Variants in WDFY4 observed in about 807,000 individuals in gnomAD.
WDFY4 encodes the protein WD repeat- and FYVE domain-containing protein 4.
Under a neutral mutation model 351.9 loss-of-function variants are expected in WDFY4, and 169 were observed. The observed-to-expected ratio is 0.48, with a 90% CI of 0.42 to 0.55. The LOEUF (loss-of-function observed/expected upper bound fraction) is 0.55, where lower values mean the gene tolerates loss of function less well. WDFY4 is among the 20% of genes least tolerant of loss of function. WDFY4 has a pLI of 0.00. For missense variants in WDFY4, 3,803 were observed against 3,935.6 expected (o/e 0.97, Z 0.90); for synonymous variants, 1,622 against 1,574.6 (o/e 1.03, Z -0.71).
chr10:48,901,560 CTAAG>C (rs1162518930), intron 46 of WDFY4, among the ~76,000 whole-genome samples: 21 of 152,202 alleles, frequency 1.4e-4, no homozygotes, highest in African/African-American at 5.1e-4. Flanking sequence ...CACACACTGC[CTAAG>C]TAATTATTGT....
intron 14 of WDFY4, among the ~76,000 whole-genome samples, chr10:48,775,218 A>G (rs754622146): frequency 3.9e-5 from 6 of 152,126 alleles, no homozygotes; most frequent in Non-Finnish European, 7.4e-5. Flanking sequence ...GGAAGACAAG[A>G]GAGCAGAGGG....
intron 35 of WDFY4, among the ~76,000 whole-genome samples, chr10:48,825,893 C>T (rs1252534389): frequency 6.6e-6 from 1 of 151,790 alleles, no homozygotes; most frequent in Non-Finnish European, 1.5e-5. Flanking sequence ...AAATTTTCTC[C>T]TACTCTATAG....
intron 20 of WDFY4, 125 bp from the exon 21 acceptor site, chr10:48,788,405 G>A: frequency 8.4e-7 from 1 of 1,193,724 alleles, no homozygotes; most frequent in Non-Finnish European, 1.2e-6. Context: ...AACATGCAAT[G>A]TGACAACATA....
chr10:48,823,054 A>T, intron 35 of WDFY4: 1 of 1,073,356 alleles, frequency 9.3e-7, no homozygotes, highest in Non-Finnish European at 1.2e-6. Context: ...TTACATACCT[A>T]CCTGTACAAA....
intron 40 of WDFY4, 72 bp downstream of exon 40, chr10:48,867,414 A>G (rs1589777893): frequency 9.0e-7 from 1 of 1,106,626 alleles, no homozygotes; most frequent in Non-Finnish European, 1.2e-6. Flanking sequence ...AATAATTGGA[A>G]GGGCCTTTGG....
At chr10:48,748,141 G>A (rs2065069214) in intron 12 of WDFY4, among the ~76,000 whole-genome samples, 1 of 152,238 alleles carries the variant, frequency 6.6e-6, no homozygotes, top group African/African-American at 2.4e-5. Flanking sequence ...GGATCTTGGT[G>A]TGGAAACTTG....
chr10:48,779,832 T>A (rs1239580572), intron 18 of WDFY4, 109 bp from the exon 19 acceptor site: 2 of 1,184,894 alleles, frequency 1.7e-6, no homozygotes, highest in Non-Finnish European at 2.3e-6. Context: ...GATCTAGGGC[T>A]CCATGGTACA....
At chr10:48,854,876 C>T (rs1161849471) in intron 39 of WDFY4, among the ~76,000 whole-genome samples, 1 of 152,148 alleles carries the variant, frequency 6.6e-6, no homozygotes, top group Non-Finnish European at 1.5e-5. Flanking sequence ...CCTAAGAGTT[C>T]TGTATTTGTG....
chr10:48,785,178 A>G (rs2066364609), intron 19 of WDFY4, among the ~76,000 whole-genome samples: 1 of 152,056 alleles, frequency 6.6e-6, no homozygotes, highest in Non-Finnish European at 1.5e-5. Context: ...TTGAGTTTTA[A>G]GGGTTTTAGG....
intron 47 of WDFY4, among the ~76,000 whole-genome samples, chr10:48,929,856 G>A (rs527819671): frequency 1.3e-5 from 2 of 152,262 alleles, no homozygotes; most frequent in Non-Finnish European, 2.9e-5. Flanking sequence ...CATCAGACTT[G>A]ACAACTCTTC....
At chr10:48,979,162 A>G (rs1373602028) in intron 60 of WDFY4, among the ~76,000 whole-genome samples, 2 of 152,210 alleles carry the variant, frequency 1.3e-5, no homozygotes, top group African/African-American at 4.8e-5. Flanking sequence ...CAATAACATC[A>G]CAAAGATCAA....
intron 19 of WDFY4, among the ~76,000 whole-genome samples, chr10:48,783,974 A>G (rs2066310869): frequency 6.6e-6 from 1 of 152,266 alleles, no homozygotes; most frequent in African/African-American, 2.4e-5. Flanking sequence ...ACAGCAATAT[A>G]TGGAAGTATA....
intron 51 of WDFY4, among the ~76,000 whole-genome samples, chr10:48,956,209 T>C (rs1052696371): frequency 1.3e-5 from 2 of 152,312 alleles, no homozygotes; most frequent in African/African-American, 2.4e-5. Context: ...AATTCTTACA[T>C]GGCCCAACCT....
chr10:48,862,917 C>T (rs1043651411), intron 39 of WDFY4, among the ~76,000 whole-genome samples: 1 of 152,212 alleles, frequency 6.6e-6, no homozygotes, highest in Non-Finnish European at 1.5e-5. Flanking sequence ...TATACTTTCT[C>T]TATAAACATT....
intron 59 of WDFY4, among the ~76,000 whole-genome samples, chr10:48,977,276 C>T (rs769251906): frequency 2.6e-4 from 40 of 152,118 alleles, no homozygotes; most frequent in Non-Finnish European, 3.7e-4. Context: ...AAGATTATAT[C>T]CCAATGCTAA....
intron 39 of WDFY4, among the ~76,000 whole-genome samples, chr10:48,860,024 G>A (rs1411973661): frequency 1.3e-5 from 2 of 152,196 alleles, no homozygotes; most frequent in Admixed American, 6.5e-5. Context: ...TGCCTGCCAG[G>A]TCAGTAGAAA....
At position 48,714,983 on chromosome 10, in the gene WDFY4, G is replaced by A. The variant is rs573898675; in HGVS notation, c.234+5017G>A. 5.9e-5 allele frequency among the ~76,000 whole-genome samples: 9 copies of A among 152,342 alleles called. No individual in the cohort carries two copies. The South Asian group carries it at 1.5e-3, about 25-fold the overall frequency. On this transcript the variant is annotated intron_variant, in intron 2 of 61. Coordinates refer to ENST00000325239, the MANE Select transcript of WDFY4 (RefSeq NM_001394531.1). Reference sequence around the variant, plus strand: ...GGCAGAAGAGACATTTCCAAGCATAGGCCTCAAGAGGCTCACAGCTTCTTC... The same window carrying A: ...GGCAGAAGAGACATTTCCAAGCATAAGCCTCAAGAGGCTCACAGCTTCTTC...
intron 23 of WDFY4, among the ~76,000 whole-genome samples, chr10:48,795,726 G>A (rs558804313): frequency 2.0e-4 from 31 of 152,002 alleles, no homozygotes; most frequent in African/African-American, 7.0e-4. Context: ...AGGCTCATAT[G>A]CCAATGGATG....
chr10:48,812,684 G>T (rs977044284), intron 30 of WDFY4, among the ~76,000 whole-genome samples: 1 of 152,030 alleles, frequency 6.6e-6, no homozygotes, highest in Non-Finnish European at 1.5e-5. Flanking sequence ...TGTGCTCACC[G>T]TATGCACCTT....
Sources: gnomAD v4.1 joint callset for allele counts (sites outside exome capture counted in the v4.1 genomes callset) on GRCh38, gnomAD v4.1.1 for gene constraint, MANE v1.5 for transcripts, NCBI Gene and HGNC (gene_info 2026-07-23, HGNC 2026-07-21) for gene names.